The following PPIG variants were observed in gnomAD, a reference collection of about 807,000 sequenced individuals.
The protein encoded by PPIG is peptidylprolyl isomerase G, also known as peptidyl-prolyl cis-trans isomerase G.
A neutral mutation model predicts 87.9 loss-of-function variants in PPIG; 26 were observed. The observed-to-expected ratio is 0.30, with a 90% confidence interval of 0.22 to 0.41. The LOEUF (loss-of-function observed/expected upper bound fraction) is 0.41. PPIG is among the 10% of genes least tolerant of loss of function. PPIG has a pLI of 1.00. For missense variants in PPIG, 722 were observed against 879.4 expected (o/e 0.82, Z 2.26); for synonymous variants, 308 against 276.5 (o/e 1.11, Z -1.13).
intron 1 of PPIG, among the ~76,000 whole-genome samples, chr2:169,600,146 C>T (rs1685139480): frequency 6.6e-6 from 1 of 150,984 alleles, no homozygotes; most frequent in African/African-American, 2.4e-5. Context: ...TTGATCTTGG[C>T]TCACTGCAAC....
At position 169,636,653 on chromosome 2, in the gene PPIG, A is replaced by G. The variant is rs1320661711; in HGVS notation, c.1395A>G (p.Lys465=). The part of the protein sequence containing the change: ...RAKSKSRSKS[K]EKSKSKERDS... The stretch of plus-strand genomic sequence containing the variant: ...AATCTAAAAGTAGGAGTAAGAGCAA[A>G]GAGAAATCAAAGAGTAAAGAAAGAG... Residue 465 remains lysine, a synonymous_variant, in exon 14 of 14, where the codon AAA becomes AAG. Transcript: ENST00000260970. 1 of 1,601,138 alleles carries G rather than the reference A, an allele frequency of 6.2e-7. No individual in the cohort carries two copies. The highest frequency in any genetic ancestry group is 1.4e-5 in the African/African-American group (1 of 73,826).
rs1233269383 is a variant in PPIG, at chr2:169,633,574, C to CT, written c.1017+334dup. On this transcript the variant is annotated intron_variant, in intron 12 of 13. Coordinates refer to ENST00000260970, the MANE Select transcript of PPIG (RefSeq NM_004792.3). The stretch of plus-strand genomic sequence containing the variant: ...ATTAACCCTATTCTTGTATTTTATT[C>CT]TTTTTTTATTTACTAGAGTGTCCTC... 1.5e-5 allele frequency: 6 copies of CT among 393,504 alleles called. No individual in the cohort carries two copies. The Admixed American group carries it at 2.2e-4, about 14-fold the overall frequency. The allele number at this position is 393,504 out of a possible 1,614,324, so 24.4% of individuals were successfully genotyped here. A position where few individuals can be genotyped will look rare whatever the true frequency, so the allele number is the denominator to read the frequency against.
intron 7 of PPIG, among the ~76,000 whole-genome samples, chr2:169,609,023 A>G (rs1252798214): frequency 2.7e-5 from 4 of 150,256 alleles, no homozygotes; most frequent in East Asian, 2.0e-4. Context: ...GGGGGAGCTT[A>G]CAGTGAGCTG....
chr2:169,606,119 A>G lies in PPIG; in HGVS notation c.217A>G (p.Met73Val), dbSNP rs146225366. 2.5e-6 allele frequency: 4 copies of G among 1,611,138 alleles called. No homozygotes were observed. Among genetic ancestry groups the G allele is most frequent in the Non-Finnish European group, 3.4e-6 (4 of 1,177,456 alleles). The change falls in exon 5 of 14, where the codon ATG becomes GTG. Residue 73 changes from methionine (M) to valine (V), a missense_variant. Transcript: ENST00000260970. ...CLFHRVVKDFMVQGGDFSEGN... is the reference protein window; with the variant it reads ...CLFHRVVKDFVVQGGDFSEGN... ...CTTTCACAGAGTTGTCAAGGATTTT[A>G]TGGTTCAAGGTGGTGACTTCAGTGA...
chr2:169,598,598 T>C (rs1685087495), intron 1 of PPIG, among the ~76,000 whole-genome samples: 1 of 152,074 alleles, frequency 6.6e-6, no homozygotes, highest in Non-Finnish European at 1.5e-5. Flanking sequence ...GCTTATTTTC[T>C]TTTTCATTTA....
intron 9 of PPIG, among the ~76,000 whole-genome samples, chr2:169,628,558 C>T (rs1418139581): frequency 6.6e-6 from 1 of 152,092 alleles, no homozygotes; most frequent in African/African-American, 2.4e-5. Context: ...GCCTGTAGTC[C>T]TAGCTACTCA....
chr2:169,584,660 AG>A, intron 1 of PPIG, 170 bp downstream of exon 1: 2 of 386,714 alleles, frequency 5.2e-6, no homozygotes. Context: ...GAAGTCCCTG[AG>A]GACCGCAGCA....
intron 9 of PPIG, among the ~76,000 whole-genome samples, chr2:169,630,539 A>G (rs1234201059): frequency 3.9e-5 from 6 of 152,090 alleles, no homozygotes; most frequent in Non-Finnish European, 8.8e-5. Context: ...AGCATTTTAG[A>G]CTCACCTATT....
At chr2:169,625,018 A>T (rs932578737) in intron 9 of PPIG, among the ~76,000 whole-genome samples, 11 of 152,350 alleles carry the variant, frequency 7.2e-5, no homozygotes, top group African/African-American at 2.6e-4. Context: ...TGATGTTATG[A>T]TACATGTATA....
intron 6 of PPIG, among the ~76,000 whole-genome samples, chr2:169,608,137 G>C (rs1467261012): frequency 2.0e-5 from 3 of 152,186 alleles, no homozygotes; most frequent in Non-Finnish European, 4.4e-5. Context: ...AGGGGATTGA[G>C]ATAATATTTG....
intron 9 of PPIG, among the ~76,000 whole-genome samples, chr2:169,616,806 A>T (rs978477821): frequency 6.6e-6 from 1 of 151,942 alleles, no homozygotes; most frequent in Non-Finnish European, 1.5e-5. Flanking sequence ...TTGCCTGTTC[A>T]CTCTGATGAT....
rs1422332632 is a variant in PPIG at position 169,640,312 on chromosome 2, G to A, written c.*2789G>A. ...CTTTGATATTTGTGCCTAGTGGAAG[G>A]TATGGAGCTAAACAATTAAAGAACT... On this transcript the variant is annotated 3_prime_UTR_variant, in exon 14 of 14. Coordinates refer to ENST00000260970, the MANE Select transcript of PPIG (RefSeq NM_004792.3). 1.3e-5 allele frequency: 2 copies of A among 152,192 alleles called. No homozygotes were observed. Among genetic ancestry groups the A allele is most frequent in the Non-Finnish European group, 2.9e-5 (2 of 68,030 alleles). The allele number at this position is 152,192 out of a possible 1,614,324, so 9.4% of individuals were successfully genotyped here. A position where few individuals can be genotyped will look rare whatever the true frequency, so the allele number is the denominator to read the frequency against.
chr2:169,608,708 C>G lies in PPIG; in HGVS notation c.327C>G (p.Leu109=). 2 of 1,609,710 alleles carry G rather than the reference C, an allele frequency of 1.2e-6. No homozygotes were observed. Among genetic ancestry groups the G allele is most frequent in the Non-Finnish European group, 1.7e-6 (2 of 1,176,410 alleles). Residue 109 remains leucine (L), a synonymous_variant, in exon 7 of 14, where the codon CTC becomes CTG. Coordinates refer to ENST00000260970, the MANE Select transcript of PPIG (RefSeq NM_004792.3). Reference sequence around the variant, plus strand: ...CTGTTAAACACAACAAAGAATTTCTCTTGTCAATGGCCAACAGAGGGAAGG... The same window carrying G: ...CTGTTAAACACAACAAAGAATTTCTGTTGTCAATGGCCAACAGAGGGAAGG... The part of the protein sequence containing the change: ...SFAVKHNKEF[L]LSMANRGKDT...
chr2:169,596,446 G>A (rs1453316450), intron 1 of PPIG, among the ~76,000 whole-genome samples: 1 of 152,100 alleles, frequency 6.6e-6, no homozygotes, highest in Non-Finnish European at 1.5e-5. Context: ...AGATCCCAGG[G>A]AAACTTTGGC....
chr2:169,632,555 C>T (rs1471260993), intron 11 of PPIG, among the ~76,000 whole-genome samples: 1 of 151,460 alleles, frequency 6.6e-6, no homozygotes, highest in African/African-American at 2.4e-5. Flanking sequence ...TCCTGGCTAA[C>T]ATGGTGAAAC....
intron 5 of PPIG, among the ~76,000 whole-genome samples, chr2:169,606,775 T>G (rs1181296674): frequency 6.6e-6 from 1 of 152,052 alleles, no homozygotes; most frequent in East Asian, 1.9e-4. Context: ...ACTTTTTTAT[T>G]GTAAAAATAT....
chr2:169,592,406 G>A (rs1456898711), intron 1 of PPIG, among the ~76,000 whole-genome samples: 3 of 144,926 alleles, frequency 2.1e-5, no homozygotes, highest in Admixed American at 7.4e-5. Context: ...CCGGGTTCAC[G>A]CCATTCTCCT....
At chr2:169,626,145 G>A (rs182725122) in intron 9 of PPIG, among the ~76,000 whole-genome samples, 1 of 152,284 alleles carries the variant, frequency 6.6e-6, no homozygotes, top group African/African-American at 2.4e-5. Flanking sequence ...GAAGGATACA[G>A]TTTCAATCAT....
rs1686103077 is a variant in PPIG, at chr2:169,633,243, C to G, written c.1013C>G (p.Pro338Arg). ...RSGRKIKGRG[P>R]RRYRTPSRSR... ...GGCAGGAAAATTAAAGGAAGAGGACCAAGGGTAGGTGATTCTTTCCCCAGA... is the reference window on the plus strand; with the variant it reads ...GGCAGGAAAATTAAAGGAAGAGGACGAAGGGTAGGTGATTCTTTCCCCAGA... The change falls in exon 12 of 14, where the codon CCA becomes CGA. Residue 338 changes from proline (P) to arginine (R), a missense_variant. By Grantham distance (103) the Pro-to-Arg change is moderately radical. This residue lies in a region of PPIG where 476 missense variants were observed against 483.1 expected (regional missense o/e 0.99). Coordinates refer to ENST00000260970, the MANE Select transcript of PPIG (RefSeq NM_004792.3). 1 of 1,586,070 alleles carries G rather than the reference C, an allele frequency of 6.3e-7. No homozygotes were observed. Among genetic ancestry groups the G allele is most frequent in the African/African-American group, 1.4e-5 (1 of 73,486 alleles).
Sources: gnomAD v4.1 joint callset for allele counts (sites outside exome capture counted in the v4.1 genomes callset) on GRCh38, gnomAD v4.1.1 for gene constraint, gnomAD v4.1.1 regional missense constraint, MANE v1.5 for transcripts, NCBI Gene and HGNC (gene_info 2026-07-23, HGNC 2026-07-21) for gene names.